MRPS27: variants seen among roughly 807,000 people sequenced by gnomAD.
The protein encoded by MRPS27 is small ribosomal subunit protein mS27.
MRPS27 carries 43 observed loss-of-function variants against 48.9 expected under a neutral mutation model. That is an observed-to-expected ratio of 0.88 (90% CI 0.69 to 1.13). MRPS27 has a LOEUF of 1.13. Ranked by LOEUF, MRPS27 falls within the 50% of genes most tolerant of loss-of-function variation. The pLI, the probability that MRPS27 is intolerant of heterozygous loss-of-function variation, is 0.00. For missense variants in MRPS27, 467 were observed against 476.3 expected, an observed-to-expected ratio of 0.98 and a Z score of 0.18; for synonymous variants, 188 against 171.9, an observed-to-expected ratio of 1.09 and a Z score of -0.73.
intron 4 of MRPS27, among the ~76,000 whole-genome samples, chr5:72,272,091 T>A (rs1184914079): frequency 6.6e-6 from 1 of 152,156 alleles, no homozygotes; most frequent in East Asian, 1.9e-4. Flanking sequence ...CCCCCCCATC[T>A]CCTGCCACAT....
chr5:72,257,338 C>A (rs1012821699), intron 4 of MRPS27, among the ~76,000 whole-genome samples: 2 of 152,118 alleles, frequency 1.3e-5, no homozygotes, highest in African/African-American at 4.8e-5. Flanking sequence ...TTGGAGGGAC[C>A]ACAAGTGCTC....
chr5:72,241,046 T>C (rs1013323580), intron 4 of MRPS27, among the ~76,000 whole-genome samples: 1 of 152,244 alleles, frequency 6.6e-6, no homozygotes, highest in Admixed American at 6.5e-5. Flanking sequence ...TTATTGTATA[T>C]ACATTTTGAG....
At chr5:72,289,914 G>A (rs1323821480) in intron 4 of MRPS27, among the ~76,000 whole-genome samples, 1 of 152,168 alleles carries the variant, frequency 6.6e-6, no homozygotes, top group Non-Finnish European at 1.5e-5. Context: ...GAAGGCCTAT[G>A]TAAGCCTTTA....
At chr5:72,280,490 T>G (rs577605705) in intron 4 of MRPS27, among the ~76,000 whole-genome samples, 1 of 152,282 alleles carries the variant, frequency 6.6e-6, no homozygotes, top group South Asian at 2.1e-4. Flanking sequence ...TATATTTCAT[T>G]CTAACCTGCA....
chr5:72,311,883 A>G (rs1440829622), intron 2 of MRPS27, among the ~76,000 whole-genome samples: 1 of 152,250 alleles, frequency 6.6e-6, no homozygotes, highest in Non-Finnish European at 1.5e-5. Context: ...CTGTAATCCC[A>G]GCACTTTGGG....
intron 2 of MRPS27, among the ~76,000 whole-genome samples, chr5:72,300,524 C>G (rs1172746672): frequency 6.6e-6 from 1 of 152,170 alleles, no homozygotes; most frequent in Non-Finnish European, 1.5e-5. Flanking sequence ...ATCACATGTT[C>G]TCTTATTTCC....
intron 4 of MRPS27, among the ~76,000 whole-genome samples, chr5:72,274,919 C>T (rs930772799): frequency 6.6e-5 from 10 of 152,166 alleles, no homozygotes; most frequent in African/African-American, 2.2e-4. Flanking sequence ...CTATTCCAAA[C>T]ATCCAGAAAG....
intron 4 of MRPS27, among the ~76,000 whole-genome samples, chr5:72,247,874 T>C (rs1386337802): frequency 6.6e-6 from 1 of 152,166 alleles, no homozygotes; most frequent in Non-Finnish European, 1.5e-5. Flanking sequence ...AGGGTGGGCA[T>C]AGAGATATTA....
chr5:72,295,353 A>G, intron 4 of MRPS27, 178 bp downstream of exon 4: 1 of 532,734 alleles, frequency 1.9e-6, no homozygotes, highest in East Asian at 3.1e-5. Context: ...TAATAAACTC[A>G]CAGTATGGAA....
intron 4 of MRPS27, among the ~76,000 whole-genome samples, chr5:72,261,913 C>T (rs1292211859): frequency 1.3e-5 from 2 of 152,178 alleles, no homozygotes; most frequent in African/African-American, 2.4e-5. Flanking sequence ...GGCAGAGTCA[C>T]GACTGCTGAA....
chr5:72,228,258 T>C lies in MRPS27; in HGVS notation c.694+8A>G. The stretch of plus-strand genomic sequence containing the variant: ...AAGAACAGTATTTGTAAGGATCATT[T>C]AGCTTACCAAGAAGTGCATAGCCAT... On this transcript the variant is annotated splice_region_variant and intron_variant, in intron 8 of 10. Transcript: ENST00000261413. The C allele has an allele frequency of 1.3e-6, 2 of 1,593,704 alleles. No homozygotes were observed. Among genetic ancestry groups the C allele is most frequent in the Middle Eastern group, 1.7e-4 (1 of 6,036 alleles).
rs1316534766 is a variant in MRPS27, at chr5:72,278,405, T to C, written c.281+17126A>G. On this transcript the variant is annotated intron_variant, in intron 4 of 10. Transcript: ENST00000261413. ...TTGCAGTGAGCCGAGATCGCGCCAC[T>C]GCACTCCAGCCTGGGTGACAGAGCG... Among the ~76,000 whole-genome samples, 3 of 140,546 alleles carry C rather than the reference T, an allele frequency of 2.1e-5. No individual in the cohort carries two copies. The Admixed American group carries it at 2.3e-4, about 11-fold the overall frequency. 92.2% of individuals were successfully genotyped at this position (140,546 alleles called of 152,430 possible).
At chr5:72,230,880 C>T (rs946047745) in intron 7 of MRPS27, among the ~76,000 whole-genome samples, 2 of 152,104 alleles carry the variant, frequency 1.3e-5, no homozygotes, top group East Asian at 1.9e-4. Context: ...CCTGCCTCAT[C>T]TTGTTATTTA....
intron 4 of MRPS27, among the ~76,000 whole-genome samples, chr5:72,267,787 A>T (rs557934079): frequency 1.3e-5 from 2 of 152,322 alleles, no homozygotes; most frequent in South Asian, 4.1e-4. Flanking sequence ...AAAACAAATT[A>T]AAAAGAATCT....
intron 4 of MRPS27, among the ~76,000 whole-genome samples, chr5:72,245,928 T>C (rs1339448464): frequency 6.6e-6 from 1 of 152,212 alleles, no homozygotes; most frequent in African/African-American, 2.4e-5. Context: ...CATGAAAAAG[T>C]TGAATCCCTA....
intron 4 of MRPS27, among the ~76,000 whole-genome samples, chr5:72,275,598 G>A (rs114795272): frequency 0.017 from 2,613 of 152,282 alleles, 50 homozygotes; most frequent in South Asian, 0.022. Context: ...TAGGAATAAT[G>A]CTCAAAATCC....
chr5:72,317,087 G>A (rs969550567), intron 1 of MRPS27, among the ~76,000 whole-genome samples: 1 of 150,016 alleles, frequency 6.7e-6, no homozygotes, highest in African/African-American at 2.5e-5. Flanking sequence ...GGTCACAGCA[G>A]ACCAAAAGCC....
chr5:72,257,251 G>A (rs1404352468), intron 4 of MRPS27, among the ~76,000 whole-genome samples: 3 of 152,086 alleles, frequency 2.0e-5, no homozygotes, highest in Non-Finnish European at 4.4e-5. Flanking sequence ...CGTTTCCAGC[G>A]CTGTAAAATG....
In MRPS27 at chr5:72,310,772, C is replaced by T. The variant is rs184235245; in HGVS notation, c.151+3309G>A. ...TTTGCATTACATTAAAGTCTCTCTC[C>T]GAGAATAGCCTATTAATCAGAAGGG... On this transcript the variant is annotated intron_variant, in intron 2 of 10. Coordinates refer to ENST00000261413, the MANE Select transcript of MRPS27 (RefSeq NM_015084.3). Among the ~76,000 whole-genome samples the T allele has an allele frequency of 3.9e-5, 6 of 152,232 alleles. No homozygotes were observed. In the East Asian group the frequency reaches 5.8e-4, roughly 15 times the overall value.
Sources: allele counts gnomAD v4.1 joint callset (sites outside exome capture counted in the v4.1 genomes callset), GRCh38; gene constraint gnomAD v4.1.1; transcripts MANE v1.5; gene names NCBI Gene and HGNC (gene_info 2026-07-23, HGNC 2026-07-21).